ERG: variants seen among roughly 807,000 people sequenced by gnomAD.
ERG encodes transcriptional regulator ERG.
ERG carries 9 observed loss-of-function variants against 55.3 expected under a neutral mutation model. The ratio of observed to expected loss-of-function variants is 0.16; its 90% CI spans 0.10 to 0.28. ERG has a LOEUF of 0.28. ERG is among the 10% of genes least tolerant of loss of function. ERG has a pLI of 1.00. For missense variants in ERG, 434 were observed against 631.6 expected (o/e 0.69, Z 3.35); for synonymous variants, 223 against 237.3 (o/e 0.94, Z 0.55).
At chr21:38,619,287 A>G (rs749573249) in intron 1 of ERG, among the ~76,000 whole-genome samples, 1 of 152,184 alleles carries the variant, frequency 6.6e-6, no homozygotes, top group African/African-American at 2.4e-5. Context: ...CCTTGGGCAC[A>G]TATTTCTCCA....
At chr21:38,479,629 G>A (rs986841068) in intron 1 of ERG, among the ~76,000 whole-genome samples, 4 of 152,068 alleles carry the variant, frequency 2.6e-5, no homozygotes, top group African/African-American at 7.2e-5. Flanking sequence ...CCTTATCCAC[G>A]GGGGACACAC....
chr21:38,564,926 C>T (rs545966816), intron 2 of ERG, among the ~76,000 whole-genome samples: 3 of 152,264 alleles, frequency 2.0e-5, no homozygotes, highest in African/African-American at 7.2e-5. Flanking sequence ...CTCACATGAC[C>T]TCTAGACTCA....
At chr21:38,402,703 C>T (rs1410446974) in intron 4 of ERG, 66 bp from the exon 5 acceptor site, 1 of 600,452 alleles carries the variant, frequency 1.7e-6, no homozygotes, top group Non-Finnish European at 2.5e-6. Context: ...AAGAGAATTA[C>T]CTTTCTTACA....
chr21:38,404,656 T>G (rs527896977), intron 3 of ERG, among the ~76,000 whole-genome samples: 14 of 152,316 alleles, frequency 9.2e-5, no homozygotes, highest in African/African-American at 3.1e-4. Context: ...TTTCTCCACT[T>G]TCTGGACCTT....
chr21:38,626,830 G>A (rs1185761469), intron 1 of ERG, among the ~76,000 whole-genome samples: 1 of 151,946 alleles, frequency 6.6e-6, no homozygotes, highest in Non-Finnish European at 1.5e-5. Flanking sequence ...TTTTGAATGT[G>A]ACAATCACAG....
At chr21:38,588,546 G>A (rs1354390950), upstream of ERG, among the ~76,000 whole-genome samples, 4 of 152,134 alleles carry the variant, frequency 2.6e-5, no homozygotes, top group Non-Finnish European at 5.9e-5. Flanking sequence ...AGAACCTTGA[G>A]CTTGGGGCCC....
At chr21:38,556,107 A>G (rs2059856654) in intron 2 of ERG, among the ~76,000 whole-genome samples, 1 of 152,170 alleles carries the variant, frequency 6.6e-6, no homozygotes, top group Admixed American at 6.5e-5. Context: ...ATAGGTCACT[A>G]AACAGTTTCT....
At chr21:38,534,904 A>G (rs2059698138) in intron 2 of ERG, among the ~76,000 whole-genome samples, 1 of 152,204 alleles carries the variant, frequency 6.6e-6, no homozygotes, top group African/African-American at 2.4e-5. Flanking sequence ...GAAAATTTGG[A>G]CACATTGTAC....
rs567492401 is a variant in ERG at position 38,622,757 on chromosome 21, C to T, written c.-149-37812G>A. Among the ~76,000 whole-genome samples, 11 of 148,978 alleles carry T rather than the reference C, an allele frequency of 7.4e-5. No individual in the cohort carries two copies. In the East Asian group the frequency reaches 1.6e-3, roughly 22 times the overall value. On this transcript the variant is annotated intron_variant, in intron 1 of 10. Coordinates refer to the ERG transcript ENST00000398910. Reference sequence around the variant, plus strand: ...CACACACACCACATGCTCATACATACCACACACACCACACACACATCACAT... The same window carrying T: ...CACACACACCACATGCTCATACATATCACACACACCACACACACATCACAT...
chr21:38,653,037 G>A (rs1001797796), intron 1 of ERG, among the ~76,000 whole-genome samples: 3 of 152,070 alleles, frequency 2.0e-5, no homozygotes, highest in Admixed American at 6.6e-5. Context: ...TAGATTCCAC[G>A]GCATGCACAT....
intron 3 of ERG, among the ~76,000 whole-genome samples, chr21:38,421,434 T>C (rs1438191890): frequency 1.3e-5 from 2 of 152,158 alleles, no homozygotes; most frequent in Non-Finnish European, 2.9e-5. Flanking sequence ...AAACCTGGGA[T>C]TCAAATCCAG....
chr21:38,462,279 G>C (rs2059050471), intron 1 of ERG, among the ~76,000 whole-genome samples: 1 of 152,114 alleles, frequency 6.6e-6, no homozygotes, highest in Non-Finnish European at 1.5e-5. Flanking sequence ...CACTGCACCT[G>C]GCCTTGTTAT....
intron 3 of ERG, among the ~76,000 whole-genome samples, chr21:38,404,643 C>A (rs980294680): frequency 6.6e-6 from 1 of 152,186 alleles, no homozygotes; most frequent in African/African-American, 2.4e-5. Flanking sequence ...TCTAATCTCA[C>A]CATTTCTCCA....
At chr21:38,443,457 G>C (rs763216511) in intron 2 of ERG, among the ~76,000 whole-genome samples, 1 of 152,134 alleles carries the variant, frequency 6.6e-6, no homozygotes, top group African/African-American at 2.4e-5. Context: ...CCGTGATCAC[G>C]CTGGCATATA....
chr21:38,500,513 C>G (rs1246062685), upstream of ERG, among the ~76,000 whole-genome samples: 1 of 152,184 alleles, frequency 6.6e-6, no homozygotes, highest in Non-Finnish European at 1.5e-5. Context: ...AGATAATACA[C>G]CAAACTCCTA....
intron 2 of ERG, among the ~76,000 whole-genome samples, chr21:38,505,829 AG>A: frequency 6.6e-6 from 1 of 152,328 alleles, no homozygotes; most frequent in South Asian, 2.1e-4. Flanking sequence ...TGAGTCGTGC[AG>A]GGAAGTTCCC....
chr21:38,564,851 C>G (rs1298202369), intron 2 of ERG, among the ~76,000 whole-genome samples: 1 of 152,204 alleles, frequency 6.6e-6, no homozygotes, highest in Non-Finnish European at 1.5e-5. Flanking sequence ...ATCTTGGTCC[C>G]TAGGTGATCT....
intron 1 of ERG, among the ~76,000 whole-genome samples, chr21:38,458,548 A>G (rs1468267913): frequency 6.6e-6 from 1 of 152,198 alleles, no homozygotes; most frequent in East Asian, 1.9e-4. Flanking sequence ...TATTTCTGCA[A>G]TCACAATGCA....
chr21:38,510,681 C>G (rs762788548), intron 2 of ERG, among the ~76,000 whole-genome samples: 148 of 152,294 alleles, frequency 9.7e-4, no homozygotes, highest in Non-Finnish European at 1.7e-3. Context: ...TCGTAGTGAC[C>G]CATGGAAGTT....
Sources: allele counts gnomAD v4.1 joint callset (sites outside exome capture counted in the v4.1 genomes callset), GRCh38; gene constraint gnomAD v4.1.1; transcripts MANE v1.5; gene names NCBI Gene and HGNC (gene_info 2026-07-23, HGNC 2026-07-21).